The following ZNF609 variants were observed in gnomAD, a reference collection of about 807,000 sequenced individuals.
ZNF609 encodes the protein zinc finger protein 609.
ZNF609 carries 11 observed loss-of-function variants against 109.5 expected under a neutral mutation model. The observed-to-expected ratio is 0.10, with a 90% CI of 0.06 to 0.17. The LOEUF (loss-of-function observed/expected upper bound fraction) is 0.17. ZNF609 is among the 10% of genes least tolerant of loss of function. The probability of loss-of-function intolerance (pLI) is 1.00; values close to 1 mark genes in which losing one functional copy is unlikely to be tolerated. For synonymous variants in ZNF609, 646 were observed against 662.0 expected, an observed-to-expected ratio of 0.98 and a Z score of 0.37; for missense variants, 1,559 against 1,772.4, an observed-to-expected ratio of 0.88 and a Z score of 2.16.
At chr15:64,621,418 T>A (rs1895874569) in intron 2 of ZNF609, among the ~76,000 whole-genome samples, 1 of 152,020 alleles carries the variant, frequency 6.6e-6, no homozygotes, top group Non-Finnish European at 1.5e-5. Context: ...GGTGCAATCA[T>A]AGCTCACTGT....
In ZNF609 at chr15:64,685,599, T is replaced by A. The variant is rs2083235936; in HGVS notation, c.*3913T>A. On this transcript the variant is annotated 3_prime_UTR_variant, in exon 10 of 10. Transcript: ENST00000326648. ...ACCCCTGGGTACTCTGGGACCTGTT[T>A]CCTGGAGGCCCTGGCTTGGGACACT... The A allele has an allele frequency of 1.3e-5, 2 of 152,952 alleles. No individual in the cohort carries two copies. Among genetic ancestry groups the A allele is most frequent in the African/African-American group, 4.8e-5 (2 of 41,424 alleles). 9.5% of individuals were successfully genotyped at this position (152,952 alleles called of 1,614,324 possible). A position where few individuals can be genotyped will look rare whatever the true frequency, so the allele number is the denominator to read the frequency against.
intron 2 of ZNF609, among the ~76,000 whole-genome samples, chr15:64,598,268 C>A (rs1480655235): frequency 6.6e-6 from 1 of 152,122 alleles, no homozygotes; most frequent in Non-Finnish European, 1.5e-5. Context: ...GTATGCACCA[C>A]CACGCCTGGC....
chr15:64,585,005 C>CT (rs1895173178), intron 2 of ZNF609, among the ~76,000 whole-genome samples: 1 of 151,198 alleles, frequency 6.6e-6, no homozygotes, highest in African/African-American at 2.4e-5. Context: ...GGGGGCCCTG[C>CT]TTAAGGTATT....
intron 1 of ZNF609, among the ~76,000 whole-genome samples, chr15:64,483,057 C>T (rs1172789337): frequency 1.3e-5 from 2 of 151,574 alleles, no homozygotes; most frequent in South Asian, 2.1e-4. Context: ...GGAATATTAA[C>T]GAATTTGATT....
intron 3 of ZNF609, among the ~76,000 whole-genome samples, chr15:64,641,219 CT>C (rs34007985): frequency 5.7e-5 from 4 of 69,732 alleles, no homozygotes; most frequent in African/African-American, 1.1e-4. Flanking sequence ...CTTGTGCTTT[CT>C]TTTTTTTTTT....
chr15:64,466,206 G>C (rs969563604), intron 1 of ZNF609, among the ~76,000 whole-genome samples: 2 of 150,228 alleles, frequency 1.3e-5, no homozygotes, highest in Non-Finnish European at 3.0e-5. Context: ...TGAAAATTCA[G>C]ATTTTTTAAT....
rs1212072099 is a variant in ZNF609, at chr15:64,640,516, A to G, written c.973+17464A>G. ...AGGTTTCAGCAGTTGGCAGCATACT[A>G]GCCTCTGGCTGAAGAAGGCCAAAAG... On this transcript the variant is annotated intron_variant, in intron 3 of 9. Transcript: ENST00000326648. Among the ~76,000 whole-genome samples, 4 of 152,298 alleles carry G rather than the reference A, an allele frequency of 2.6e-5. No individual in the cohort carries two copies. The East Asian group carries it at 5.8e-4, about 22-fold the overall frequency.
chr15:64,497,928 A>T (rs1485859579), intron 1 of ZNF609, among the ~76,000 whole-genome samples: 1 of 151,440 alleles, frequency 6.6e-6, no homozygotes, highest in Non-Finnish European at 1.5e-5. Flanking sequence ...TTTTTAATGG[A>T]TAGAGAAAGG....
intron 1 of ZNF609, among the ~76,000 whole-genome samples, chr15:64,494,398 G>A (rs1438755628): frequency 6.6e-6 from 1 of 152,068 alleles, no homozygotes. Flanking sequence ...GGTCATTGTT[G>A]GGAATCAGGA....
chr15:64,577,509 G>GTA (rs1157746912), intron 2 of ZNF609, among the ~76,000 whole-genome samples: 1 of 43,926 alleles, frequency 2.3e-5, no homozygotes, highest in East Asian at 6.2e-4. Flanking sequence ...ACATATATAT[G>GTA]TATATATATA....
At chr15:64,581,268 C>A (rs548872458) in intron 2 of ZNF609, among the ~76,000 whole-genome samples, 5 of 152,044 alleles carry the variant, frequency 3.3e-5, no homozygotes, top group African/African-American at 1.2e-4. Context: ...CTTTACTGAG[C>A]GTGGCCTCAG....
intron 3 of ZNF609, among the ~76,000 whole-genome samples, chr15:64,649,659 A>G (rs1896386159): frequency 6.6e-6 from 1 of 152,138 alleles, no homozygotes; most frequent in African/African-American, 2.4e-5. Flanking sequence ...ATTTAGGGAG[A>G]GAAAAGAAAA....
intron 1 of ZNF609, among the ~76,000 whole-genome samples, chr15:64,463,605 C>A (rs901670457): frequency 7.2e-5 from 11 of 152,184 alleles, no homozygotes; most frequent in African/African-American, 2.7e-4. Context: ...AAAGGTCTTT[C>A]TGAGGCAATT....
In ZNF609 at chr15:64,577,238, CAT is replaced by C. The variant is rs1161177580; in HGVS notation, c.748-45582_748-45581del. On this transcript the variant is annotated intron_variant, in intron 2 of 9. Transcript: ENST00000326648. ...GTATATATATACACACAAATACATACATATATATGTATATATATACACACAAA... is the reference window on the plus strand; with the variant it reads ...GTATATATATACACACAAATACATACATATATGTATATATATACACACAAA... Among the ~76,000 whole-genome samples, 33 of 30,502 alleles carry C rather than the reference CAT, an allele frequency of 1.1e-3. 9 individuals carry two copies. The highest frequency in any genetic ancestry group is 4.1e-3 in the East Asian group (2 of 492). The allele number at this position is 30,502 out of a possible 152,430, so 20.0% of individuals were successfully genotyped here.
At chr15:64,603,583 T>G (rs895824826) in intron 2 of ZNF609, among the ~76,000 whole-genome samples, 1 of 151,856 alleles carries the variant, frequency 6.6e-6, no homozygotes, top group Non-Finnish European at 1.5e-5. Context: ...GTGCCTTTCT[T>G]TATCATGACA....
chr15:64,476,468 T>A (rs964428856), intron 1 of ZNF609, among the ~76,000 whole-genome samples: 10 of 152,108 alleles, frequency 6.6e-5, no homozygotes, highest in Non-Finnish European at 1.3e-4. Context: ...CAACCCTAAA[T>A]AAGATGGTTA....
chr15:64,501,468 G>A (rs1376306633), intron 2 of ZNF609: 1 of 152,246 alleles, frequency 6.6e-6, no homozygotes, highest in East Asian at 1.9e-4. Context: ...CTGCCAGAGA[G>A]GCTGCCTGTG....
intron 2 of ZNF609, among the ~76,000 whole-genome samples, chr15:64,547,830 C>G (rs551177787): frequency 6.6e-6 from 1 of 152,188 alleles, no homozygotes; most frequent in Admixed American, 6.5e-5. Context: ...CATGAAAATA[C>G]TGATTTTTTA....
chr15:64,599,521 C>G lies in ZNF609; in HGVS notation c.748-23306C>G, dbSNP rs112323455. ...TTACTGATTACCTACATGTCTGATGCCTTGCAAAGTCAAATTGCTTAAAGG... is the reference window on the plus strand; with the variant it reads ...TTACTGATTACCTACATGTCTGATGGCTTGCAAAGTCAAATTGCTTAAAGG... On this transcript the variant is annotated intron_variant, in intron 2 of 9. Transcript: ENST00000326648. Among the ~76,000 whole-genome samples the G allele has an allele frequency of 3.8e-3, 579 of 152,174 alleles. 2 individuals carry two copies. Among genetic ancestry groups the G allele is most frequent in the Non-Finnish European group, 6.9e-3 (472 of 67,990 alleles).
Sources: gnomAD v4.1 joint callset for allele counts (sites outside exome capture counted in the v4.1 genomes callset) on GRCh38, gnomAD v4.1.1 for gene constraint, MANE v1.5 for transcripts, NCBI Gene and HGNC (gene_info 2026-07-23, HGNC 2026-07-21) for gene names.